GRID2: variants seen among roughly 807,000 people sequenced by gnomAD.
GRID2 encodes the protein glutamate receptor ionotropic, delta-2.
GRID2 carries 33 observed loss-of-function variants against 114.8 expected under a neutral mutation model. The ratio of observed to expected loss-of-function variants is 0.29; its 90% CI spans 0.22 to 0.38. GRID2 has a LOEUF of 0.38. Among genes scored for constraint, GRID2 ranks in the 10% least tolerant of loss-of-function variants. The pLI is 1.00. For synonymous variants in GRID2, 505 were observed against 449.9 expected, an observed-to-expected ratio of 1.12 and a Z score of -1.55; for missense variants, 1,184 against 1,257.7, an observed-to-expected ratio of 0.94 and a Z score of 0.89.
chr4:93,339,720 G>A (rs1044686724), intron 8 of GRID2, among the ~76,000 whole-genome samples: 1 of 152,052 alleles, frequency 6.6e-6, no homozygotes, highest in African/African-American at 2.4e-5. Flanking sequence ...ATAAAGAACT[G>A]CCTGAGACTG....
intron 1 of GRID2, among the ~76,000 whole-genome samples, chr4:92,407,625 T>A (rs1731092450): frequency 6.6e-6 from 1 of 152,202 alleles, no homozygotes; most frequent in Admixed American, 6.5e-5. Context: ...ATTGCTATTG[T>A]GACTGGTGTG....
intron 1 of GRID2, among the ~76,000 whole-genome samples, chr4:92,315,993 CAAAAA>C (rs778361565): frequency 4.8e-5 from 3 of 61,916 alleles, no homozygotes; most frequent in South Asian, 6.6e-4. Flanking sequence ...AAACAAAAAG[CAAAAA>C]AAAAAAAAAA....
rs372312051 is a variant in GRID2, at chr4:92,824,148, T to C, written c.244+233862T>C. The stretch of plus-strand genomic sequence containing the variant: ...ACAGGAATGTTAGGAGTTTGACCTG[T>C]AGGCTAAGAAAGACGTAGATAAAGG... On this transcript the variant is annotated intron_variant, in intron 2 of 15. Transcript: ENST00000282020. Among the ~76,000 whole-genome samples the C allele has an allele frequency of 1.7e-4, 26 of 152,292 alleles. No individual in the cohort carries two copies. In the East Asian group the frequency reaches 4.3e-3, roughly 25 times the overall value.
At chr4:93,136,254 G>A (rs1243352000) in intron 4 of GRID2, among the ~76,000 whole-genome samples, 1 of 151,482 alleles carries the variant, frequency 6.6e-6, no homozygotes, top group African/African-American at 2.4e-5. Flanking sequence ...GTGTGTGTGT[G>A]TGTGTGTGTG....
chr4:92,596,221 T>TATTCATTC (rs10546629), intron 2 of GRID2, among the ~76,000 whole-genome samples: 475 of 151,332 alleles, frequency 3.1e-3, no homozygotes, highest in South Asian at 7.3e-3. Context: ...GGTATGATTC[T>TATTCATTC]ATTCATTCAT....
chr4:92,635,605 C>T (rs1210253261), intron 2 of GRID2, among the ~76,000 whole-genome samples: 1 of 151,868 alleles, frequency 6.6e-6, no homozygotes, highest in East Asian at 1.9e-4. Context: ...TCACTCTATA[C>T]CTTTAGGAAA....
intron 1 of GRID2, among the ~76,000 whole-genome samples, chr4:92,509,996 A>T (rs960085054): frequency 1.6e-4 from 24 of 151,932 alleles, no homozygotes; most frequent in Admixed American, 1.6e-3. Flanking sequence ...GGCTAATGTC[A>T]TATTCTGACA....
chr4:93,590,117 A>C (rs1362657726), intron 13 of GRID2, among the ~76,000 whole-genome samples: 3 of 150,008 alleles, frequency 2.0e-5, no homozygotes, highest in Non-Finnish European at 4.5e-5. Context: ...TTTAGACATG[A>C]AGTCCTTGCC....
intron 4 of GRID2, among the ~76,000 whole-genome samples, chr4:93,154,525 T>A (rs1737000291): frequency 6.6e-6 from 1 of 152,028 alleles, no homozygotes; most frequent in Non-Finnish European, 1.5e-5. Context: ...TTAAACAATA[T>A]TTGTCATTTA....
chr4:92,893,594 T>G (rs1048652274), intron 2 of GRID2, among the ~76,000 whole-genome samples: 5 of 152,186 alleles, frequency 3.3e-5, no homozygotes, highest in African/African-American at 1.2e-4. Flanking sequence ...TGTGTAACTT[T>G]TTTTTTCCTC....
intron 1 of GRID2, among the ~76,000 whole-genome samples, chr4:92,437,370 C>T (rs1166191155): frequency 6.6e-6 from 1 of 152,214 alleles, no homozygotes; most frequent in Non-Finnish European, 1.5e-5. Context: ...ACCTCCCCCA[C>T]CCAGGTTCAA....
chr4:93,508,916 C>T (rs905032952), intron 12 of GRID2, among the ~76,000 whole-genome samples: 8 of 152,170 alleles, frequency 5.3e-5, no homozygotes, highest in Non-Finnish European at 1.2e-4. Flanking sequence ...GCCAAGAAGA[C>T]ATCTACCAAG....
chr4:92,687,013 TTTTA>T (rs1345291764), intron 2 of GRID2, among the ~76,000 whole-genome samples: 3 of 152,174 alleles, frequency 2.0e-5, no homozygotes, highest in Non-Finnish European at 4.4e-5. Flanking sequence ...TTTGTTCCAC[TTTTA>T]TTTATTTCAT....
intron 4 of GRID2, among the ~76,000 whole-genome samples, chr4:93,121,795 C>G (rs908933150): frequency 3.3e-5 from 5 of 152,184 alleles, no homozygotes; most frequent in African/African-American, 2.4e-5. Context: ...CGTTTCTTCA[C>G]CAACACTTGT....
In GRID2 at chr4:93,446,989, C is replaced by T. The variant is rs150296955; in HGVS notation, c.1546-8673C>T. Among the ~76,000 whole-genome samples the T allele has an allele frequency of 5.0e-3, 765 of 151,658 alleles. 2 individuals are homozygous for T. Among genetic ancestry groups the T allele is most frequent in the Non-Finnish European group, 7.4e-3 (500 of 67,788 alleles). On this transcript the variant is annotated intron_variant, in intron 10 of 15. Coordinates refer to ENST00000282020, the MANE Select transcript of GRID2 (RefSeq NM_001510.4). ...TGCCTCCAACTCCAAAATTTATATA[C>T]AACATAAGTAATACCTAACAAATTA...
rs146606567 is a variant in GRID2, at chr4:92,484,411, C to T, written c.89-105720C>T. The stretch of plus-strand genomic sequence containing the variant: ...CAGCAGTAATATACTTTATTATATA[C>T]TGTATGTAAGCAGGAAATAAAATAT... On this transcript the variant is annotated intron_variant, in intron 1 of 15. Transcript: ENST00000282020. Among the ~76,000 whole-genome samples, 10 of 152,164 alleles carry T rather than the reference C, an allele frequency of 6.6e-5. No individual in the cohort carries two copies. The East Asian group carries it at 1.9e-3, about 29-fold the overall frequency.
At chr4:93,743,558 C>T (rs1222497899) in intron 14 of GRID2, among the ~76,000 whole-genome samples, 1 of 152,154 alleles carries the variant, frequency 6.6e-6, no homozygotes, top group African/African-American at 2.4e-5. Context: ...GGTGCTTCCT[C>T]TCATGGTGGA....
At chr4:93,397,948 C>G (rs1462070733) in intron 9 of GRID2, among the ~76,000 whole-genome samples, 1 of 151,186 alleles carries the variant, frequency 6.6e-6, no homozygotes, top group Non-Finnish European at 1.5e-5. Context: ...GGAGTTGAGT[C>G]TAGATGCAGA....
At position 93,783,861 on chromosome 4, in the gene GRID2, A is replaced by C. The variant is rs530947690; in HGVS notation, c.221+14411A>C. On this transcript the variant is annotated intron_variant, in intron 1 of 1. Coordinates refer to the GRID2 transcript ENST00000637838. ...GCCGAGGTGGGCGGATCACGAGGTCAGGAGATCGAGACCATCCCGGCTAAA... is the reference window on the plus strand; with the variant it reads ...GCCGAGGTGGGCGGATCACGAGGTCCGGAGATCGAGACCATCCCGGCTAAA... 2.6e-5 allele frequency among the ~76,000 whole-genome samples: 4 copies of C among 151,814 alleles called. No homozygotes were observed. The South Asian group carries it at 8.4e-4, about 32-fold the overall frequency.
Sources: allele counts gnomAD v4.1 joint callset (sites outside exome capture counted in the v4.1 genomes callset), GRCh38; gene constraint gnomAD v4.1.1; transcripts MANE v1.5; gene names NCBI Gene and HGNC (gene_info 2026-07-23, HGNC 2026-07-21).